Variants in ST7L observed in about 807,000 individuals in gnomAD.
ST7L encodes suppression of tumorigenicity 7 like.
A neutral mutation model predicts 72.5 loss-of-function variants in ST7L; 57 were observed. That is an observed-to-expected ratio of 0.79 (90% confidence interval 0.64 to 0.98). The LOEUF (loss-of-function observed/expected upper bound fraction) is 0.98, where lower values mean the gene tolerates loss of function less well. ST7L is among the 50% of genes least tolerant of loss of function. The pLI is 0.00. For missense variants in ST7L, 576 were observed against 672.2 expected (o/e 0.86, Z 1.58); for synonymous variants, 221 against 240.9 (o/e 0.92, Z 0.77).
intron 13 of ST7L, among the ~76,000 whole-genome samples, chr1:112,548,103 C>G (rs1657462381): frequency 6.6e-6 from 1 of 151,980 alleles, no homozygotes; most frequent in African/African-American, 2.4e-5. Context: ...ACTTGTAATC[C>G]TAGCACTTTG....
At chr1:112,526,415 G>C (rs1052980066) in intron 14 of ST7L, 1 of 236,472 alleles carries the variant, frequency 4.2e-6, no homozygotes. Flanking sequence ...AGTAGAAGTA[G>C]TCATGACAGA....
intron 6 of ST7L, among the ~76,000 whole-genome samples, chr1:112,590,573 A>G (rs1315648579): frequency 6.6e-6 from 1 of 152,154 alleles, no homozygotes; most frequent in Non-Finnish European, 1.5e-5. Flanking sequence ...CTAAATTTAC[A>G]TTATTCAGGA....
chr1:112,583,069 A>G (rs1022766264), intron 7 of ST7L, among the ~76,000 whole-genome samples: 1 of 152,224 alleles, frequency 6.6e-6, no homozygotes, highest in Non-Finnish European at 1.5e-5. Flanking sequence ...TTAAAGATGT[A>G]GTTTCATTAG....
chr1:112,599,072 AAATAT>A (rs1203981869), intron 4 of ST7L, among the ~76,000 whole-genome samples: 5 of 57,294 alleles, frequency 8.7e-5, no homozygotes, highest in African/African-American at 3.9e-4. Context: ...AAAAAAAAAA[AAATAT>A]ATATATATAT....
intron 1 of ST7L, chr1:112,618,148 A>C: frequency 7.8e-7 from 1 of 1,274,464 alleles, no homozygotes. Context: ...GTGAAATATA[A>C]TCACATGGTA....
intron 4 of ST7L, 26 bp downstream of exon 4, chr1:112,600,768 C>A: frequency 6.3e-7 from 1 of 1,599,898 alleles, no homozygotes; most frequent in Non-Finnish European, 8.5e-7. Flanking sequence ...CAATGCCCTA[C>A]TTATACTGAA....
chr1:112,555,066 C>T (rs948974355), intron 12 of ST7L, among the ~76,000 whole-genome samples: 2 of 151,950 alleles, frequency 1.3e-5, no homozygotes, highest in Non-Finnish European at 2.9e-5. Flanking sequence ...TGGTGATGTT[C>T]GTACAACACT....
intron 12 of ST7L, among the ~76,000 whole-genome samples, chr1:112,551,138 CTTTTTTTTT>C (rs567601091): frequency 2.6e-5 from 2 of 77,222 alleles, no homozygotes; most frequent in African/African-American, 6.3e-5. Flanking sequence ...ATGAGCAGAT[CTTTTTTTTT>C]TTTTTTTTTT....
rs1334462645 is a variant in ST7L at position 112,525,290 on chromosome 1, C to G, written c.*723G>C. ...ATAAGAGAGAAGCACTGGAAAAGAC[C>G]AAGTGGTGGCTTTATTAGGGTAAAT... On this transcript the variant is annotated 3_prime_UTR_variant, in exon 15 of 15. Transcript: ENST00000358039. The G allele has an allele frequency of 1.3e-5, 2 of 152,134 alleles. No homozygotes were observed. Among genetic ancestry groups the G allele is most frequent in the Non-Finnish European group, 2.9e-5 (2 of 68,028 alleles). 9.4% of individuals were successfully genotyped at this position (152,134 alleles called of 1,614,324 possible).
chr1:112,592,173 G>T (rs895448300), intron 5 of ST7L, among the ~76,000 whole-genome samples: 1 of 151,998 alleles, frequency 6.6e-6, no homozygotes, highest in Non-Finnish European at 1.5e-5. Context: ...CCTGAGTTAG[G>T]ATTTCTTTGG....
At position 112,618,892 on chromosome 1, in the gene ST7L, A is replaced by T. The variant is rs779333256; in HGVS notation, c.205+17T>A. Reference sequence around the variant, plus strand: ...TCCTGGCCCCCCGCCCTGCCCCAGGAGGTCTGGTCCTCTCACCCGCTGCCA... The same window carrying T: ...TCCTGGCCCCCCGCCCTGCCCCAGGTGGTCTGGTCCTCTCACCCGCTGCCA... On this transcript the variant is annotated intron_variant, in intron 1 of 14. Transcript: ENST00000358039. The T allele has an allele frequency of 6.4e-6, 10 of 1,551,240 alleles. No individual in the cohort carries two copies. In the Admixed American group the frequency reaches 1.8e-4, roughly 27 times the overall value.
rs746611634 is a variant in ST7L at position 112,584,007 on chromosome 1, C to CA, written c.820dup (p.Cys274LeufsTer9). The CA allele has an allele frequency of 2.0e-5, 32 of 1,613,984 alleles. No homozygotes were observed. Among genetic ancestry groups the CA allele is most frequent in the Non-Finnish European group, 2.2e-5 (26 of 1,180,004 alleles). ...TTCATGCTGAGGACTTTGGTGCTGGCACTGCTGTGACTGCCTATAAATTGT... is the reference window on the plus strand; with the variant it reads ...TTCATGCTGAGGACTTTGGTGCTGGCAACTGCTGTGACTGCCTATAAATTGT... On this transcript the variant is annotated frameshift_variant, in exon 7 of 15. Transcript: ENST00000358039. LOFTEE classifies it high-confidence loss of function.
chr1:112,585,001 A>T lies in ST7L; in HGVS notation c.702-875T>A, dbSNP rs897836803. ...CACACATGGACTTATCCACAATATT[A>T]TGCAGTATAACTTCCCTTGTTCTGA... is the stretch of plus-strand genomic sequence containing the variant. On this transcript the variant is annotated intron_variant, in intron 6 of 14. Transcript: ENST00000358039. 2.0e-5 allele frequency among the ~76,000 whole-genome samples: 3 copies of T among 152,124 alleles called. No individual in the cohort carries two copies. The South Asian group carries it at 6.2e-4, about 31-fold the overall frequency.
chr1:112,605,674 A>G (rs1210982711), intron 3 of ST7L, among the ~76,000 whole-genome samples: 1 of 151,970 alleles, frequency 6.6e-6, no homozygotes, highest in Non-Finnish European at 1.5e-5. Context: ...TGGGCAACAG[A>G]GCAAGACTCT....
chr1:112,573,617 CTG>C (rs1662535721), intron 11 of ST7L, among the ~76,000 whole-genome samples: 1 of 151,942 alleles, frequency 6.6e-6, no homozygotes, highest in Non-Finnish European at 1.5e-5. Context: ...ACAAAGAAAA[CTG>C]AAGAATCAGA....
chr1:112,574,551 T>C (rs1025003824), intron 11 of ST7L, among the ~76,000 whole-genome samples: 14 of 149,798 alleles, frequency 9.3e-5, no homozygotes, highest in African/African-American at 2.7e-4. Context: ...CTCAGCTACT[T>C]GGGAGGCTGA....
At chr1:112,554,294 T>C (rs938892769) in intron 12 of ST7L, among the ~76,000 whole-genome samples, 24 of 152,184 alleles carry the variant, frequency 1.6e-4, no homozygotes, top group African/African-American at 5.8e-4. Flanking sequence ...ATCGGGTAGT[T>C]AGTTTAAAAC....
chr1:112,590,980 G>C (rs1665627114), intron 6 of ST7L, among the ~76,000 whole-genome samples: 1 of 148,792 alleles, frequency 6.7e-6, no homozygotes, highest in Non-Finnish European at 1.5e-5. Flanking sequence ...GCCCAAGCTG[G>C]AGTGCAGTGG....
chr1:112,574,923 A>AT (rs1662855851), intron 11 of ST7L, among the ~76,000 whole-genome samples: 1 of 152,112 alleles, frequency 6.6e-6, no homozygotes. Context: ...ACTTTGCTGC[A>AT]TGTGTAGTAG....
Sources: gnomAD v4.1 joint callset for allele counts (sites outside exome capture counted in the v4.1 genomes callset) on GRCh38, gnomAD v4.1.1 for gene constraint, MANE v1.5 for transcripts, NCBI Gene and HGNC (gene_info 2026-07-23, HGNC 2026-07-21) for gene names.